RNF180: variants seen among roughly 807,000 people sequenced by gnomAD.
RNF180 encodes the protein ring finger protein 180, also known as E3 ubiquitin-protein ligase RNF180.
In RNF180, 38 loss-of-function variants were observed where a neutral mutation model predicts 59.2. The ratio of observed to expected loss-of-function variants is 0.64; its 90% CI spans 0.50 to 0.84. The LOEUF (loss-of-function observed/expected upper bound fraction) is 0.84, where lower values mean the gene tolerates loss of function less well. Ranked by LOEUF, RNF180 falls within the 40% of genes least tolerant of loss-of-function variation. RNF180 has a pLI of 0.00. For synonymous variants in RNF180, 262 were observed against 240.3 expected, an observed-to-expected ratio of 1.09 and a Z score of -0.84; for missense variants, 705 against 700.9, an observed-to-expected ratio of 1.01 and a Z score of -0.07.
chr5:64,334,921 G>A lies in RNF180; in HGVS notation c.1579+4515G>A, dbSNP rs142634978. Among the ~76,000 whole-genome samples the A allele has an allele frequency of 4.9e-3, 742 of 152,296 alleles. 6 individuals are homozygous for A. Among genetic ancestry groups the A allele is most frequent in the African/African-American group, 0.017 (710 of 41,564 alleles). On this transcript the variant is annotated intron_variant, in intron 7 of 7. Transcript: ENST00000389100. ...CTAGAATAAATGCCAGGTAGAAACT[G>A]GCTGGGTCATAGGAAAAGCACATCT...
intron 5 of RNF180, among the ~76,000 whole-genome samples, chr5:64,245,644 T>C (rs1166767913): frequency 2.6e-5 from 4 of 152,130 alleles, no homozygotes; most frequent in Admixed American, 2.6e-4. Flanking sequence ...ACAAAGAGAC[T>C]TAGACTCCCA....
At chr5:64,199,459 A>G (rs1751620400) in intron 1 of RNF180, among the ~76,000 whole-genome samples, 1 of 152,160 alleles carries the variant, frequency 6.6e-6, no homozygotes, top group Non-Finnish European at 1.5e-5. Flanking sequence ...AGAATCAGTA[A>G]AAATTTCTAG....
At chr5:64,306,676 G>A (rs1221182918) in intron 5 of RNF180, among the ~76,000 whole-genome samples, 3 of 151,610 alleles carry the variant, frequency 2.0e-5, no homozygotes, top group East Asian at 1.9e-4. Flanking sequence ...CCTTTGTAGC[G>A]ACATGGATGA....
intron 5 of RNF180, among the ~76,000 whole-genome samples, chr5:64,306,239 T>C (rs149974221): frequency 6.6e-6 from 1 of 151,870 alleles, no homozygotes; most frequent in African/African-American, 2.4e-5. Context: ...AATATGTTTA[T>C]AATTCAATCT....
At chr5:64,182,013 A>G (rs1318219603) in intron 1 of RNF180, among the ~76,000 whole-genome samples, 1 of 125,502 alleles carries the variant, frequency 8.0e-6, no homozygotes, top group African/African-American at 3.1e-5. Context: ...TTTTTTTGAG[A>G]CAGAGTCTCG....
chr5:64,210,340 G>C (rs373808832), intron 2 of RNF180, among the ~76,000 whole-genome samples: 7 of 152,180 alleles, frequency 4.6e-5, no homozygotes, highest in South Asian at 4.1e-4. Flanking sequence ...GAGAACCTTG[G>C]ACTTACCAGA....
At position 64,257,269 on chromosome 5, in the gene RNF180, T is replaced by C. The variant is rs181555068; in HGVS notation, c.1227+39873T>C. Among the ~76,000 whole-genome samples, 759 of 152,326 alleles carry C rather than the reference T, an allele frequency of 5.0e-3. 10 individuals are homozygous for C. Among genetic ancestry groups the C allele is most frequent in the African/African-American group, 0.017 (707 of 41,568 alleles). On this transcript the variant is annotated intron_variant, in intron 5 of 7. Transcript: ENST00000389100. ...ATAGGAGTGGTGAGAGAGGGCATCCTTGTCTTGTGCCAGTTTTCAAAGGGA... is the reference window on the plus strand; with the variant it reads ...ATAGGAGTGGTGAGAGAGGGCATCCCTGTCTTGTGCCAGTTTTCAAAGGGA...
chr5:64,280,842 A>C (rs945635847), intron 5 of RNF180, among the ~76,000 whole-genome samples: 22 of 152,120 alleles, frequency 1.4e-4, no homozygotes, highest in Non-Finnish European at 2.9e-4. Context: ...GGAAAATGTC[A>C]TTGGTAGTTT....
At chr5:64,368,240 C>A (rs1386242789) in intron 7 of RNF180, among the ~76,000 whole-genome samples, 1 of 151,640 alleles carries the variant, frequency 6.6e-6, no homozygotes, top group Non-Finnish European at 1.5e-5. Flanking sequence ...ATAAGATATT[C>A]TTCTTAGAAC....
At chr5:64,319,830 A>T (rs1162340356) in intron 5 of RNF180, among the ~76,000 whole-genome samples, 1 of 152,250 alleles carries the variant, frequency 6.6e-6, no homozygotes, top group East Asian at 1.9e-4. Flanking sequence ...AAAACAAAAC[A>T]AATATTTTGT....
chr5:64,359,686 T>A (rs1410488518), intron 7 of RNF180, among the ~76,000 whole-genome samples: 1 of 151,750 alleles, frequency 6.6e-6, no homozygotes, highest in African/African-American at 2.4e-5. Context: ...TTGCTTTTGG[T>A]GTTTTAGACA....
chr5:64,226,324 T>A (rs904301020), intron 5 of RNF180, among the ~76,000 whole-genome samples: 1 of 152,168 alleles, frequency 6.6e-6, no homozygotes, highest in Non-Finnish European at 1.5e-5. Context: ...CTAAGAAAAA[T>A]TCTTCTGCCT....
chr5:64,330,795 CCA>C (rs1226204042), intron 7 of RNF180, among the ~76,000 whole-genome samples: 5 of 152,262 alleles, frequency 3.3e-5, no homozygotes, highest in African/African-American at 1.2e-4. Flanking sequence ...GCTGCACATT[CCA>C]CAGAGCTGGC....
intron 5 of RNF180, among the ~76,000 whole-genome samples, chr5:64,227,134 A>G (rs1741817420): frequency 1.3e-5 from 2 of 152,194 alleles, no homozygotes; most frequent in Non-Finnish European, 2.9e-5. Context: ...GGCAGCGGCC[A>G]CAAACTAGGT....
intron 1 of RNF180, among the ~76,000 whole-genome samples, chr5:64,194,161 C>G (rs1579972391): frequency 1.3e-5 from 2 of 152,114 alleles, no homozygotes; most frequent in South Asian, 4.1e-4. Context: ...CTTTTCCCCC[C>G]ACCCCACAAC....
rs1358668682 is a variant in RNF180 at position 64,371,034 on chromosome 5, A to G, written c.*1220A>G. On this transcript the variant is annotated 3_prime_UTR_variant, in exon 8 of 8. Coordinates refer to ENST00000389100, the MANE Select transcript of RNF180 (RefSeq NM_001113561.2). ...AACTGGGCTTTAACAGTTTCAATCTATGAAAAGCCAAAATTTAAGCTAATT... is the reference window on the plus strand; with the variant it reads ...AACTGGGCTTTAACAGTTTCAATCTGTGAAAAGCCAAAATTTAAGCTAATT... 1 of 151,710 alleles carries G rather than the reference A, an allele frequency of 6.6e-6. No homozygotes were observed. Among genetic ancestry groups the G allele is most frequent in the African/African-American group, 2.4e-5 (1 of 41,408 alleles). The allele number at this position is 151,710 out of a possible 1,614,324, so 9.4% of individuals were successfully genotyped here.
At chr5:64,210,818 A>G (rs1486625573) in intron 2 of RNF180, among the ~76,000 whole-genome samples, 3 of 152,184 alleles carry the variant, frequency 2.0e-5, no homozygotes, top group Non-Finnish European at 4.4e-5. Context: ...ACAGTTTCAT[A>G]TGCCCGTGTA....
intron 5 of RNF180, among the ~76,000 whole-genome samples, chr5:64,223,613 C>G (rs1741484017): frequency 6.6e-6 from 1 of 152,088 alleles, no homozygotes; most frequent in African/African-American, 2.4e-5. Context: ...GACCTGTGTC[C>G]CAAAGTTTGT....
At chr5:64,206,703 G>C (rs1020295825) in intron 2 of RNF180, among the ~76,000 whole-genome samples, 3 of 152,098 alleles carry the variant, frequency 2.0e-5, no homozygotes, top group African/African-American at 4.8e-5. Context: ...GGGTCTTTAG[G>C]AGTTAATGAA....
Sources: allele counts gnomAD v4.1 joint callset (sites outside exome capture counted in the v4.1 genomes callset), GRCh38; gene constraint gnomAD v4.1.1; transcripts MANE v1.5; gene names NCBI Gene and HGNC (gene_info 2026-07-23, HGNC 2026-07-21).